The following CNBD1 variants were observed in gnomAD, a reference collection of about 807,000 sequenced individuals.
The protein encoded by CNBD1 is cyclic nucleotide-binding domain-containing protein 1.
Under a neutral mutation model 54.4 loss-of-function variants are expected in CNBD1, and 71 were observed. The ratio of observed to expected loss-of-function variants is 1.30; its 90% CI spans 1.08 to 1.59. The LOEUF is 1.59. Among genes scored for constraint, CNBD1 ranks in the 40% most tolerant of loss-of-function variants. The pLI is 0.00. For missense variants in CNBD1, 659 were observed against 518.0 expected (o/e 1.27, Z -2.64); for synonymous variants, 182 against 170.7 (o/e 1.07, Z -0.51).
At chr8:87,023,966 G>A (rs999968737) in intron 4 of CNBD1, among the ~76,000 whole-genome samples, 1 of 152,130 alleles carries the variant, frequency 6.6e-6, no homozygotes, top group African/African-American at 2.4e-5. Context: ...GGCCAGGCGT[G>A]GTGGCTCATG....
intron 5 of CNBD1, among the ~76,000 whole-genome samples, chr8:87,216,339 A>G (rs969012667): frequency 2.0e-5 from 3 of 152,210 alleles, no homozygotes; most frequent in Non-Finnish European, 4.4e-5. Context: ...AAGTAAAATG[A>G]AAAATTAGCA....
chr8:87,190,863 CTAAATAGATATAGATACATGTACG>C (rs2130785363), intron 4 of CNBD1, among the ~76,000 whole-genome samples: 1 of 144,654 alleles, frequency 6.9e-6, no homozygotes, highest in Admixed American at 6.8e-5. Flanking sequence ...GTACCTATAT[CTAAATAGATATAGATACATGTACG>C]TATATCTATT....
chr8:87,093,881 T>A (rs1404912939), intron 4 of CNBD1, among the ~76,000 whole-genome samples: 2 of 152,316 alleles, frequency 1.3e-5, no homozygotes, highest in Admixed American at 6.5e-5. Context: ...TCAATTCCTC[T>A]GTTAGATGCT....
chr8:87,204,893 A>C (rs991634134), intron 4 of CNBD1, among the ~76,000 whole-genome samples: 1 of 152,070 alleles, frequency 6.6e-6, no homozygotes, highest in Non-Finnish European at 1.5e-5. Flanking sequence ...TGTAAATGAC[A>C]TTAGGTAGGG....
chr8:86,882,720 T>C (rs1392470424), intron 1 of CNBD1, among the ~76,000 whole-genome samples: 1 of 152,110 alleles, frequency 6.6e-6, no homozygotes, highest in East Asian at 1.9e-4. Context: ...CACATGCACA[T>C]ATATGTTCAC....
intron 8 of CNBD1, among the ~76,000 whole-genome samples, chr8:87,337,819 A>G (rs945459265): frequency 1.3e-5 from 2 of 152,154 alleles, no homozygotes; most frequent in African/African-American, 2.4e-5. Context: ...TAATGACAGA[A>G]CCTGAATACC....
At chr8:87,395,230 T>C (rs1390823004) in intron 2 of CNBD1, among the ~76,000 whole-genome samples, 1 of 151,868 alleles carries the variant, frequency 6.6e-6, no homozygotes, top group African/African-American at 2.4e-5. Context: ...CAAAAACAAG[T>C]AATCATAGAT....
At chr8:87,422,616 T>G (rs200436109) in intron 2 of CNBD1, among the ~76,000 whole-genome samples, 25 of 152,240 alleles carry the variant, frequency 1.6e-4, no homozygotes, top group Admixed American at 1.2e-3. Flanking sequence ...GGGCTCTGTT[T>G]TGTTCCATTG....
chr8:86,888,320 A>G (rs919420249), intron 2 of CNBD1, among the ~76,000 whole-genome samples: 1 of 152,102 alleles, frequency 6.6e-6, no homozygotes, highest in African/African-American at 2.4e-5. Flanking sequence ...GAGAGAGAAG[A>G]AGGCATGCAA....
intron 10 of CNBD1, among the ~76,000 whole-genome samples, chr8:87,356,335 A>G (rs1810419660): frequency 2.0e-5 from 3 of 152,188 alleles, no homozygotes. Flanking sequence ...AGGATTTGCT[A>G]AATAGTTGTG....
intron 10 of CNBD1, among the ~76,000 whole-genome samples, chr8:87,374,040 C>T (rs554226979): frequency 1.3e-5 from 2 of 151,806 alleles, no homozygotes; most frequent in South Asian, 4.1e-4. Context: ...ACATTTCTCT[C>T]CTTTGGTTGA....
intron 4 of CNBD1, among the ~76,000 whole-genome samples, chr8:87,196,073 A>G (rs1156681559): frequency 4.6e-5 from 7 of 152,186 alleles, no homozygotes; most frequent in Non-Finnish European, 1.0e-4. Flanking sequence ...CCACTGCCAC[A>G]GGACATAATC....
At chr8:86,896,215 A>AT (rs546490521) in intron 2 of CNBD1, among the ~76,000 whole-genome samples, 157 of 152,190 alleles carry the variant, frequency 1.0e-3, no homozygotes, top group Non-Finnish European at 1.4e-3. Flanking sequence ...AATTTTAATT[A>AT]TTTTTTAAAA....
intron 2 of CNBD1, among the ~76,000 whole-genome samples, chr8:87,420,119 AAGAT>A (rs149987008): frequency 0.012 from 1,824 of 152,100 alleles, 39 homozygotes; most frequent in African/African-American, 0.039. Flanking sequence ...TACAGAATAA[AAGAT>A]AGACATCATT....
intron 3 of CNBD1, among the ~76,000 whole-genome samples, chr8:86,916,499 G>A (rs1253451839): frequency 6.6e-6 from 1 of 151,962 alleles, no homozygotes; most frequent in Non-Finnish European, 1.5e-5. Context: ...GCTCTCTTGA[G>A]GCATTCTTCC....
chr8:87,320,784 A>T (rs13249744), intron 8 of CNBD1, among the ~76,000 whole-genome samples: 42,426 of 151,998 alleles, frequency 0.28, 6,617 homozygotes, highest in Middle Eastern at 0.41. Flanking sequence ...ATCAACTGCA[A>T]TCACAATGTT....
At chr8:87,010,245 T>C (rs112160452) in intron 4 of CNBD1, among the ~76,000 whole-genome samples, 22 of 152,294 alleles carry the variant, frequency 1.4e-4, no homozygotes, top group African/African-American at 5.1e-4. Flanking sequence ...CAAATGCATG[T>C]GTTAGATGTA....
At chr8:87,136,426 T>C (rs1053197321) in intron 4 of CNBD1, among the ~76,000 whole-genome samples, 1 of 147,608 alleles carries the variant, frequency 6.8e-6, no homozygotes, top group African/African-American at 2.5e-5. Flanking sequence ...TTTATAGGCT[T>C]AGAAAGCTAT....
intron 4 of CNBD1, among the ~76,000 whole-genome samples, chr8:87,159,924 T>C (rs11775569): frequency 0.017 from 2,557 of 151,164 alleles, 28 homozygotes; most frequent in Non-Finnish European, 0.028. Context: ...AACAGATACA[T>C]AGCTTTTTTT....
Sources: allele counts gnomAD v4.1 joint callset (sites outside exome capture counted in the v4.1 genomes callset), GRCh38; gene constraint gnomAD v4.1.1; transcripts MANE v1.5; gene names NCBI Gene and HGNC (gene_info 2026-07-23, HGNC 2026-07-21).